Variants in PDGFD observed in about 807,000 individuals in gnomAD.
PDGFD encodes platelet-derived growth factor D.
Under a neutral mutation model 44.7 loss-of-function variants are expected in PDGFD, and 30 were observed. The observed-to-expected ratio is 0.67, with a 90% CI of 0.50 to 0.91. PDGFD has a LOEUF of 0.91. PDGFD is among the 40% of genes least tolerant of loss of function. The pLI is 0.00. For synonymous variants in PDGFD, 173 were observed against 168.4 expected, an observed-to-expected ratio of 1.03 and a Z score of -0.21; for missense variants, 445 against 457.8, an observed-to-expected ratio of 0.97 and a Z score of 0.25.
intron 1 of PDGFD, among the ~76,000 whole-genome samples, chr11:104,161,369 G>C (rs1028254134): frequency 6.6e-6 from 1 of 152,096 alleles, no homozygotes. Flanking sequence ...AGAAAAATTT[G>C]GGAGAGCAGG....
rs1274634751 is a variant in PDGFD at position 104,163,803 on chromosome 11, C to G, written c.124+1G>C. The G allele has an allele frequency of 6.5e-7, 1 of 1,533,032 alleles. No homozygotes were observed. The allele number at this position is 1,533,032 out of a possible 1,614,324, so 95.0% of individuals were successfully genotyped here. ...GTTAAAAAATAAAATGAGTCTCTTACCATCTCGCCTGAGGTTGGCGTTGCG... is the reference window on the plus strand; with the variant it reads ...GTTAAAAAATAAAATGAGTCTCTTAGCATCTCGCCTGAGGTTGGCGTTGCG... On this transcript the variant is annotated splice_donor_variant, in intron 1 of 6. Coordinates refer to ENST00000393158, the MANE Select transcript of PDGFD (RefSeq NM_025208.5). LOFTEE classifies it high-confidence loss of function.
intron 4 of PDGFD, among the ~76,000 whole-genome samples, chr11:103,947,028 C>T (rs995590018): frequency 2.6e-5 from 4 of 152,166 alleles, no homozygotes; most frequent in African/African-American, 9.7e-5. Flanking sequence ...TATTTTATTG[C>T]TACATAAGTG....
At chr11:104,148,949 C>T (rs920977447) in intron 1 of PDGFD, among the ~76,000 whole-genome samples, 1 of 152,118 alleles carries the variant, frequency 6.6e-6, no homozygotes. Context: ...CATAGCATTC[C>T]ATGGTGTATA....
chr11:103,987,309 T>G (rs1859382061), intron 3 of PDGFD, among the ~76,000 whole-genome samples: 1 of 152,152 alleles, frequency 6.6e-6, no homozygotes, highest in East Asian at 1.9e-4. Flanking sequence ...ATTTCTCTTT[T>G]GGGTTGCTGC....
rs61892484 is a variant in PDGFD, at chr11:104,108,629, A to G, written c.124+55175T>C. Among the ~76,000 whole-genome samples the G allele has an allele frequency of 3.3e-3, 499 of 152,318 alleles. 2 individuals are homozygous for G. The highest frequency in any genetic ancestry group is 3.6e-3 in the Non-Finnish European group (248 of 68,030). On this transcript the variant is annotated intron_variant, in intron 1 of 6. Transcript: ENST00000393158. ...GACTGTAAACTAGTTCAACCACTGT[A>G]GAAGACAGTGTGGCGATTCCTCAAG...
chr11:103,959,989 T>A (rs1206949816), intron 3 of PDGFD, among the ~76,000 whole-genome samples: 1 of 152,308 alleles, frequency 6.6e-6, no homozygotes, highest in East Asian at 1.9e-4. Context: ...CAGGAACATC[T>A]TTTACTTTGA....
intron 1 of PDGFD, among the ~76,000 whole-genome samples, chr11:104,129,996 C>A (rs7396472): frequency 0.14 from 17,146 of 123,374 alleles, 1,143 homozygotes; most frequent in East Asian, 0.33. Context: ...GCAACAAGAC[C>A]TCTGAAAAAA....
At chr11:104,082,909 A>G (rs1002636644) in intron 1 of PDGFD, among the ~76,000 whole-genome samples, 1 of 152,124 alleles carries the variant, frequency 6.6e-6, no homozygotes, top group African/African-American at 2.4e-5. Flanking sequence ...ATGAGCCCCT[A>G]CTTGTGGCCA....
intron 5 of PDGFD, among the ~76,000 whole-genome samples, chr11:103,929,546 A>G (rs1428337402): frequency 6.6e-6 from 1 of 152,156 alleles, no homozygotes; most frequent in Non-Finnish European, 1.5e-5. Flanking sequence ...GGTTACTTTC[A>G]TTTCTTACTC....
At chr11:104,056,786 T>A (rs1371331520) in intron 1 of PDGFD, among the ~76,000 whole-genome samples, 1 of 152,186 alleles carries the variant, frequency 6.6e-6, no homozygotes, top group Non-Finnish European at 1.5e-5. Context: ...TGCATTTTTT[T>A]ATATACTAGC....
chr11:104,058,040 A>C (rs1860649886), intron 1 of PDGFD, among the ~76,000 whole-genome samples: 1 of 152,218 alleles, frequency 6.6e-6, no homozygotes, highest in Non-Finnish European at 1.5e-5. Context: ...CATAGACCTA[A>C]ATGTGAAGCC....
chr11:104,138,530 C>A (rs1862041786), intron 1 of PDGFD, among the ~76,000 whole-genome samples: 1 of 152,192 alleles, frequency 6.6e-6, no homozygotes, highest in South Asian at 2.1e-4. Flanking sequence ...GTCCACAAAC[C>A]TGTAGCATGG....
At chr11:104,010,104 T>A (rs1859760800) in intron 1 of PDGFD, among the ~76,000 whole-genome samples, 1 of 152,134 alleles carries the variant, frequency 6.6e-6, no homozygotes, top group African/African-American at 2.4e-5. Context: ...CAGAGATTTT[T>A]CTAAGATCTC....
At chr11:104,137,047 C>G (rs200252852) in intron 1 of PDGFD, among the ~76,000 whole-genome samples, 1 of 152,064 alleles carries the variant, frequency 6.6e-6, no homozygotes, top group South Asian at 2.1e-4. Context: ...TCCAGAGCCC[C>G]TCCTTCCTGG....
At chr11:103,921,409 A>G (rs1858217133) in intron 6 of PDGFD, among the ~76,000 whole-genome samples, 1 of 152,168 alleles carries the variant, frequency 6.6e-6, no homozygotes, top group African/African-American at 2.4e-5. Flanking sequence ...GACGTTTCAA[A>G]CATGTAAAAA....
chr11:104,002,346 T>C (rs1411947542), intron 1 of PDGFD, among the ~76,000 whole-genome samples: 1 of 152,042 alleles, frequency 6.6e-6, no homozygotes, highest in East Asian at 1.9e-4. Context: ...GATCATGGGG[T>C]GGTTCCCCCA....
intron 1 of PDGFD, among the ~76,000 whole-genome samples, chr11:104,105,510 A>G (rs151142134): frequency 7.4e-4 from 113 of 152,298 alleles, no homozygotes; most frequent in Non-Finnish European, 7.8e-4. Flanking sequence ...TATTTATCTA[A>G]CTCACATAAG....
chr11:104,074,119 T>G (rs893681106), intron 1 of PDGFD, among the ~76,000 whole-genome samples: 1 of 152,116 alleles, frequency 6.6e-6, no homozygotes, highest in African/African-American at 2.4e-5. Flanking sequence ...AGCCTGGGGA[T>G]AGTCTGCTTA....
chr11:104,002,981 C>A lies in PDGFD; in HGVS notation c.125-2726G>T, dbSNP rs541086885. Among the ~76,000 whole-genome samples, 75 of 152,306 alleles carry A rather than the reference C, an allele frequency of 4.9e-4. 1 individual carries two copies. Among genetic ancestry groups the A allele is most frequent in the African/African-American group, 1.6e-3 (65 of 41,564 alleles). ...ATTTGTATAAGTGAATTGAGCATCA[C>A]ATTTTCTCTTTGGTCTTTTTCATGG... On this transcript the variant is annotated intron_variant, in intron 1 of 6. Transcript: ENST00000393158.
Sources: allele counts gnomAD v4.1 joint callset (sites outside exome capture counted in the v4.1 genomes callset), GRCh38; gene constraint gnomAD v4.1.1; transcripts MANE v1.5; gene names NCBI Gene and HGNC (gene_info 2026-07-23, HGNC 2026-07-21).